VAPB: variants seen among roughly 807,000 people sequenced by gnomAD.
The protein encoded by VAPB is VAMP associated protein B and C.
Under a neutral mutation model 25.6 loss-of-function variants are expected in VAPB, and 7 were observed. The observed-to-expected ratio is 0.27, with a 90% confidence interval of 0.16 to 0.51. The LOEUF (loss-of-function observed/expected upper bound fraction) is 0.51. Ranked by LOEUF, VAPB falls within the 20% of genes least tolerant of loss-of-function variation. The pLI, the probability that VAPB is intolerant of heterozygous loss-of-function variation, is 0.97. For missense variants in VAPB, 266 were observed against 301.3 expected (o/e 0.88, Z 0.87); for synonymous variants, 112 against 109.2 (o/e 1.03, Z -0.16).
intron 2 of VAPB, among the ~76,000 whole-genome samples, chr20:58,420,496 T>A (rs1988646318): frequency 6.6e-6 from 1 of 152,238 alleles, no homozygotes; most frequent in African/African-American, 2.4e-5. Context: ...AGCACTGCTA[T>A]TTGAAGCTAG....
intron 1 of VAPB, among the ~76,000 whole-genome samples, chr20:58,397,068 A>G (rs1723515395): frequency 6.6e-6 from 1 of 152,240 alleles, no homozygotes; most frequent in African/African-American, 2.4e-5. Flanking sequence ...TTTCTTAAGA[A>G]CATCAATTCA....
intron 2 of VAPB, among the ~76,000 whole-genome samples, chr20:58,431,890 G>A (rs1030927221): frequency 3.3e-5 from 5 of 152,256 alleles, no homozygotes; most frequent in Admixed American, 2.0e-4. Flanking sequence ...AAAAGGAGAC[G>A]TGCTGCTTGG....
At chr20:58,421,562 C>T (rs1269153328) in intron 2 of VAPB, among the ~76,000 whole-genome samples, 1 of 152,158 alleles carries the variant, frequency 6.6e-6, no homozygotes, top group African/African-American at 2.4e-5. Flanking sequence ...TTGCCCTGCC[C>T]ACCACCCAAA....
At chr20:58,443,747 G>A (rs1386644320) in intron 5 of VAPB, among the ~76,000 whole-genome samples, 1 of 152,122 alleles carries the variant, frequency 6.6e-6, no homozygotes, top group Non-Finnish European at 1.5e-5. Context: ...ATAGAGGTGG[G>A]TGGGGCCGAG....
chr20:58,430,791 G>A (rs754826960), intron 2 of VAPB, among the ~76,000 whole-genome samples: 1 of 152,012 alleles, frequency 6.6e-6, no homozygotes, highest in Non-Finnish European at 1.5e-5. Flanking sequence ...GGCGAGGCTG[G>A]TCTGGAACTC....
At chr20:58,406,083 G>A (rs1988224293) in intron 1 of VAPB, among the ~76,000 whole-genome samples, 2 of 152,096 alleles carry the variant, frequency 1.3e-5, no homozygotes, top group South Asian at 4.1e-4. Flanking sequence ...AGGGAGGAGA[G>A]TGGGACTCAA....
At chr20:58,389,652 G>GC in intron 1 of VAPB, 135 bp downstream of exon 1, 1 of 966,796 alleles carries the variant, frequency 1.0e-6, no homozygotes, top group Non-Finnish European at 1.4e-6. Context: ...GCGAGGCCGG[G>GC]CCGGGCCTTG....
chr20:58,391,224 T>A (rs2123009690), intron 1 of VAPB, among the ~76,000 whole-genome samples: 1 of 152,306 alleles, frequency 6.6e-6, no homozygotes, highest in East Asian at 1.9e-4. Context: ...GATCTGTGTG[T>A]CAGATACCCA....
intron 1 of VAPB, among the ~76,000 whole-genome samples, chr20:58,395,674 G>T (rs1289966479): frequency 1.3e-5 from 2 of 152,176 alleles, no homozygotes; most frequent in Admixed American, 1.3e-4. Context: ...AAACAAAGTT[G>T]CATTATGGTT....
chr20:58,392,242 G>A lies in VAPB; in HGVS notation c.58+2725G>A, dbSNP rs544766528. Among the ~76,000 whole-genome samples the A allele has an allele frequency of 1.7e-3, 260 of 152,302 alleles. 3 individuals carry two copies. Among genetic ancestry groups the A allele is most frequent in the Non-Finnish European group, 3.1e-4 (21 of 68,028 alleles). On this transcript the variant is annotated intron_variant, in intron 1 of 5. Coordinates refer to ENST00000475243, the MANE Select transcript of VAPB (RefSeq NM_004738.5). ...GAATGACATGGCTGTTAGTGGCTTT[G>A]TAAGTGCATAGTACTATACAGAGAT...
At chr20:58,413,800 C>G (rs1280775501) in intron 1 of VAPB, among the ~76,000 whole-genome samples, 2 of 147,832 alleles carry the variant, frequency 1.4e-5, no homozygotes, top group African/African-American at 5.0e-5. Flanking sequence ...CCCTCCCGGA[C>G]GGGGCAGCTG....
At chr20:58,392,301 C>T (rs563952455) in intron 1 of VAPB, among the ~76,000 whole-genome samples, 1 of 152,306 alleles carries the variant, frequency 6.6e-6, no homozygotes, top group Admixed American at 6.5e-5. Context: ...GTGGTTTCAT[C>T]ACTTCTGTAC....
At chr20:58,427,902 T>C (rs1246085222) in intron 2 of VAPB, among the ~76,000 whole-genome samples, 1 of 146,406 alleles carries the variant, frequency 6.8e-6, no homozygotes, top group Non-Finnish European at 1.5e-5. Context: ...CTGTGATCTG[T>C]TACCATTATG....
At chr20:58,402,536 G>A (rs1988122929) in intron 1 of VAPB, among the ~76,000 whole-genome samples, 1 of 148,898 alleles carries the variant, frequency 6.7e-6, no homozygotes, top group Non-Finnish European at 1.5e-5. Flanking sequence ...ACTCCCTTTC[G>A]CTGTTAGTCA....
At position 58,446,983 on chromosome 20, in the gene VAPB, A is replaced by C. The variant is rs368079533; in HGVS notation, c.*2748A>C. The C allele has an allele frequency of 1.1e-4, 49 of 454,148 alleles. No individual in the cohort carries two copies. The East Asian group carries it at 2.9e-3, about 27-fold the overall frequency. 28.1% of individuals were successfully genotyped at this position (454,148 alleles called of 1,614,324 possible). A position where few individuals can be genotyped will look rare whatever the true frequency, so the allele number is the denominator to read the frequency against. ...GGCCTGCCCTGCCCCAAGAGGGTTA[A>C]GAGTCAGATAATCGGGACGAAACTG... is the stretch of plus-strand genomic sequence containing the variant. On this transcript the variant is annotated 3_prime_UTR_variant, in exon 6 of 6. Transcript: ENST00000475243.
chr20:58,389,706 C>G (rs1987740364), intron 1 of VAPB, among the ~76,000 whole-genome samples, 189 bp downstream of exon 1: 1 of 152,154 alleles, frequency 6.6e-6, no homozygotes, highest in African/African-American at 2.4e-5. Context: ...GGCCGGGACC[C>G]GAGAGGGCTG....
At chr20:58,390,786 C>T (rs539273645) in intron 1 of VAPB, among the ~76,000 whole-genome samples, 2 of 152,122 alleles carry the variant, frequency 1.3e-5, no homozygotes, top group African/African-American at 4.8e-5. Context: ...CCCAAAGTTA[C>T]CCAGTTGGCA....
intron 1 of VAPB, among the ~76,000 whole-genome samples, chr20:58,389,889 G>A (rs1437336189): frequency 6.6e-6 from 1 of 152,208 alleles, no homozygotes; most frequent in East Asian, 1.9e-4. Context: ...TTGACCTCAG[G>A]GCTTAGTTGA....
intron 1 of VAPB, among the ~76,000 whole-genome samples, chr20:58,395,733 G>T (rs2123018751): frequency 6.6e-6 from 1 of 152,214 alleles, no homozygotes; most frequent in South Asian, 2.1e-4. Context: ...CCCCTTTCAG[G>T]CTGTTATCAG....
Sources: allele counts gnomAD v4.1 joint callset (sites outside exome capture counted in the v4.1 genomes callset), GRCh38; gene constraint gnomAD v4.1.1; transcripts MANE v1.5; gene names NCBI Gene and HGNC (gene_info 2026-07-23, HGNC 2026-07-21).